PRUNE2: variants seen among roughly 807,000 people sequenced by gnomAD.
PRUNE2 encodes the protein prune homolog 2 with BCH domain.
A neutral mutation model predicts 252.0 loss-of-function variants in PRUNE2; 164 were observed. That is an observed-to-expected ratio of 0.65 (90% CI 0.57 to 0.74). The LOEUF (loss-of-function observed/expected upper bound fraction) is 0.74, where lower values mean the gene tolerates loss of function less well. Ranked by LOEUF, PRUNE2 falls within the 30% of genes least tolerant of loss-of-function variation. The probability of loss-of-function intolerance (pLI) is 0.00; values close to 1 mark genes in which losing one functional copy is unlikely to be tolerated. For missense variants in PRUNE2, 3,495 were observed against 3,711.0 expected, an observed-to-expected ratio of 0.94 and a Z score of 1.51; for synonymous variants, 1,292 against 1,350.2, an observed-to-expected ratio of 0.96 and a Z score of 0.94.
At chr9:76,846,039 G>A (rs1311722378) in intron 4 of PRUNE2, among the ~76,000 whole-genome samples, 3 of 152,192 alleles carry the variant, frequency 2.0e-5, no homozygotes, top group African/African-American at 7.2e-5. Context: ...CAAAGGAGGT[G>A]ACATCTGACT....
intron 6 of PRUNE2, among the ~76,000 whole-genome samples, chr9:76,724,538 T>A (rs920379628): frequency 3.3e-5 from 5 of 152,000 alleles, no homozygotes; most frequent in Non-Finnish European, 7.4e-5. Context: ...ACACCTCAAA[T>A]AAGGGAGTTA....
intron 6 of PRUNE2, among the ~76,000 whole-genome samples, chr9:76,809,423 C>T (rs1271857392): frequency 2.6e-5 from 4 of 152,282 alleles, no homozygotes; most frequent in East Asian, 1.9e-4. Flanking sequence ...CAGGGTTGGG[C>T]GCAGTGGCTC....
chr9:76,637,588 C>A, intron 13 of PRUNE2, 39 bp from the exon 14 acceptor site: 1 of 1,585,972 alleles, frequency 6.3e-7, no homozygotes. Context: ...TCAGTTCCCA[C>A]ATCCTATTGA....
chr9:76,710,936 G>A lies in PRUNE2; in HGVS notation c.1338C>T (p.Leu446=). Residue 446 remains leucine, a synonymous_variant, in exon 8 of 19, where the codon CTC becomes CTT. Transcript: ENST00000376718. ...CTTCTCCCACGGGGCTGTCGTCACT[G>A]AGGAAAACAGAGCTCTCCTTGGATG... is the stretch of plus-strand genomic sequence containing the variant. ...SRSSKESSVF[L]SDDSPVGEGA... 1.3e-6 allele frequency: 2 copies of A among 1,576,628 alleles called. No individual in the cohort carries two copies. Among genetic ancestry groups the A allele is most frequent in the Non-Finnish European group, 1.7e-6 (2 of 1,161,092 alleles).
At chr9:76,825,012 AAGGCCC>A (rs1298096854) in intron 5 of PRUNE2, among the ~76,000 whole-genome samples, 2 of 152,122 alleles carry the variant, frequency 1.3e-5, no homozygotes, top group Non-Finnish European at 2.9e-5. Flanking sequence ...GGACGCTGCA[AAGGCCC>A]CACCCCATTT....
chr9:76,774,469 T>A (rs13300781), intron 6 of PRUNE2, among the ~76,000 whole-genome samples: 39,554 of 139,944 alleles, frequency 0.28, 7,235 homozygotes, highest in African/African-American at 0.41. Context: ...TTTTTTTTTT[T>A]TTTTTTTTGA....
chr9:76,705,225 C>T lies in PRUNE2; in HGVS notation c.7049G>A (p.Gly2350Asp). 2 of 1,614,008 alleles carry T rather than the reference C, an allele frequency of 1.2e-6. No individual in the cohort carries two copies. The highest frequency in any genetic ancestry group is 1.7e-6 in the Non-Finnish European group (2 of 1,179,884). The change falls in exon 8 of 19, where the codon GGT becomes GAT. Residue 2350 changes from glycine (G) to aspartate (D), a missense_variant. By Grantham distance (94) the Gly-to-Asp change is moderately conservative (BLOSUM62 -1). Coordinates refer to ENST00000376718, the MANE Select transcript of PRUNE2 (RefSeq NM_015225.3). ...QDICSSEASWGDFEYDVMGQN... is the reference protein window; with the variant it reads ...QDICSSEASWDDFEYDVMGQN... ...GCCCATTACATCATATTCAAAATCA[C>T]CCCACGAGGCTTCAGATGAGCAGAT...
intron 16 of PRUNE2, among the ~76,000 whole-genome samples, chr9:76,628,948 G>T (rs1836186974): frequency 6.6e-6 from 1 of 151,704 alleles, no homozygotes; most frequent in South Asian, 2.1e-4. Flanking sequence ...AGGATCAGGT[G>T]ATCCTCCCAT....
At chr9:76,841,358 G>A (rs372519455) in intron 4 of PRUNE2, among the ~76,000 whole-genome samples, 1 of 152,204 alleles carries the variant, frequency 6.6e-6, no homozygotes, top group African/African-American at 2.4e-5. Context: ...ACACCACCAA[G>A]GCCCTGGGTT....
Position 76,704,899 on chromosome 9 carries a change from G to A in PRUNE2, c.7375C>T (p.His2459Tyr). 1.1e-5 allele frequency: 17 copies of A among 1,610,494 alleles called. No individual in the cohort carries two copies. The highest frequency in any genetic ancestry group is 1.4e-5 in the Non-Finnish European group (17 of 1,178,136). ...RLPGSQLAVL[H>Y]IREDPESVYL... ...ACGGACTCAGGGTCTTCACGAATATGCAGCACAGCCAGCTGGGATCCAGGC... is the reference window on the plus strand; with the variant it reads ...ACGGACTCAGGGTCTTCACGAATATACAGCACAGCCAGCTGGGATCCAGGC... The change falls in exon 8 of 19, where the codon CAT (histidine) becomes TAT (tyrosine). Residue 2459 changes from histidine to tyrosine, a missense_variant. His to Tyr is a moderately conservative substitution (Grantham distance 83, BLOSUM62 2). Transcript: ENST00000376718.
Position 76,811,217 on chromosome 9 carries a change from C to T in PRUNE2, c.756+12415G>A, listed in dbSNP as rs567670979. ...AAAATGTATTTACAGAGTGAAAGAG[C>T]AGTCATCCTAGCATATCACTATGTC... On this transcript the variant is annotated intron_variant, in intron 6 of 18. Coordinates refer to ENST00000376718, the MANE Select transcript of PRUNE2 (RefSeq NM_015225.3). Among the ~76,000 whole-genome samples, 4 of 152,318 alleles carry T rather than the reference C, an allele frequency of 2.6e-5. No homozygotes were observed. In the South Asian group the frequency reaches 6.2e-4, roughly 24 times the overall value.
intron 6 of PRUNE2, chr9:76,737,992 T>A (rs898494296): frequency 6.6e-6 from 1 of 152,230 alleles, no homozygotes; most frequent in Non-Finnish European, 1.5e-5. Flanking sequence ...TAAGAGACTT[T>A]AATAGCACAT....
intron 6 of PRUNE2, among the ~76,000 whole-genome samples, chr9:76,765,965 G>A (rs1192317366): frequency 3.9e-5 from 6 of 152,130 alleles, no homozygotes; most frequent in Non-Finnish European, 4.4e-5. Context: ...GGCTGATCAC[G>A]AGGTCAAGAG....
intron 9 of PRUNE2, among the ~76,000 whole-genome samples, chr9:76,684,640 C>G (rs1286168584): frequency 6.6e-6 from 1 of 152,172 alleles, no homozygotes; most frequent in Admixed American, 6.5e-5. Context: ...TACTCATTGT[C>G]CCACAAGAAA....
At chr9:76,764,423 C>T (rs2052103872) in intron 6 of PRUNE2, 1 of 152,090 alleles carries the variant, frequency 6.6e-6, no homozygotes, top group Admixed American at 6.5e-5. Flanking sequence ...ATTCTGAAGT[C>T]AGAGTGTTCC....
intron 18 of PRUNE2, among the ~76,000 whole-genome samples, chr9:76,617,130 G>A (rs1830101474): frequency 6.6e-6 from 1 of 152,072 alleles, no homozygotes. Flanking sequence ...TTTTACAATA[G>A]GCCATTTTTG....
At chr9:76,702,553 T>C (rs994813999) in intron 9 of PRUNE2, among the ~76,000 whole-genome samples, 3 of 152,192 alleles carry the variant, frequency 2.0e-5, no homozygotes, top group African/African-American at 7.2e-5. Context: ...TTCCCTGATA[T>C]ATGCCCATTG....
At chr9:76,806,720 G>A (rs1265592429) in intron 6 of PRUNE2, among the ~76,000 whole-genome samples, 6 of 145,882 alleles carry the variant, frequency 4.1e-5, no homozygotes, top group Non-Finnish European at 6.0e-5. Context: ...GGGTTTCACC[G>A]TGTTAGCCAG....
chr9:76,722,324 C>T (rs2047719833), intron 6 of PRUNE2, among the ~76,000 whole-genome samples: 1 of 151,608 alleles, frequency 6.6e-6, no homozygotes, highest in South Asian at 2.1e-4. Flanking sequence ...CCTGTCTCAG[C>T]CTCCCAAAGT....
Sources: gnomAD v4.1 joint callset for allele counts (sites outside exome capture counted in the v4.1 genomes callset) on GRCh38, gnomAD v4.1.1 for gene constraint, MANE v1.5 for transcripts, NCBI Gene and HGNC (gene_info 2026-07-23, HGNC 2026-07-21) for gene names.